The following TACC2 variants were observed in gnomAD, a reference collection of about 807,000 sequenced individuals.
TACC2 encodes the protein transforming acidic coiled-coil containing protein 2, also known as transforming acidic coiled-coil-containing protein 2.
TACC2 carries 137 observed loss-of-function variants against 227.3 expected under a neutral mutation model. The ratio of observed to expected loss-of-function variants is 0.60; its 90% CI spans 0.52 to 0.69. The LOEUF is 0.69. Ranked by LOEUF, TACC2 falls within the 30% of genes least tolerant of loss-of-function variation. The pLI is 0.00. For missense variants in TACC2, 3,470 were observed against 3,694.4 expected (o/e 0.94, Z 1.57); for synonymous variants, 1,523 against 1,487.5 (o/e 1.02, Z -0.55).
At chr10:122,247,209 A>C (rs2096143150) in intron 19 of TACC2, 1 of 152,344 alleles carries the variant, frequency 6.6e-6, no homozygotes. Flanking sequence ...GTCAACACCT[A>C]GAGCAATCAG....
intron 2 of TACC2, chr10:122,022,451 T>C (rs1289572228): frequency 5.2e-5 from 8 of 155,024 alleles, no homozygotes; most frequent in Non-Finnish European, 1.1e-4. Flanking sequence ...GGTCTGGCTA[T>C]GTTGCCCAGG....
At chr10:122,021,465 G>A (rs902279322) in intron 1 of TACC2, among the ~76,000 whole-genome samples, 1 of 152,138 alleles carries the variant, frequency 6.6e-6, no homozygotes, top group Non-Finnish European at 1.5e-5. Flanking sequence ...ATATGTTGTT[G>A]GAGAGCAGTG....
chr10:122,237,877 G>C, intron 17 of TACC2, 84 bp from the exon 18 acceptor site: 1 of 985,996 alleles, frequency 1.0e-6, no homozygotes, highest in Non-Finnish European at 1.6e-6. Context: ...TTTATTCACC[G>C]TCTCCTTTTC....
At chr10:122,088,267 T>C (rs183250286) in intron 4 of TACC2, among the ~76,000 whole-genome samples, 4 of 152,288 alleles carry the variant, frequency 2.6e-5, no homozygotes, top group African/African-American at 4.8e-5. Flanking sequence ...AAGTGATAGG[T>C]TATAGTCAGT....
chr10:122,004,254 C>T (rs922723925), intron 1 of TACC2, among the ~76,000 whole-genome samples: 3 of 151,954 alleles, frequency 2.0e-5, no homozygotes, highest in East Asian at 3.9e-4. Flanking sequence ...AAAAATTAGT[C>T]GGGTGTGGTG....
intron 1 of TACC2, among the ~76,000 whole-genome samples, chr10:122,014,506 C>T (rs148286759): frequency 3.3e-5 from 5 of 152,262 alleles, no homozygotes; most frequent in African/African-American, 4.8e-5. Context: ...CCACCATACC[C>T]GGCCAAGACC....
chr10:122,008,246 G>GTTATTGTTATTATTATTA (rs1554958020), intron 1 of TACC2, among the ~76,000 whole-genome samples: 33 of 111,846 alleles, frequency 3.0e-4, no homozygotes, highest in African/African-American at 9.3e-4. Flanking sequence ...CTATCCCTTT[G>GTTATTGTTATTATTATTA]TTATTATTAT....
At chr10:122,018,024 C>T (rs1401073565) in intron 1 of TACC2, among the ~76,000 whole-genome samples, 2 of 123,934 alleles carry the variant, frequency 1.6e-5, no homozygotes, top group African/African-American at 3.1e-5. Flanking sequence ...AAAAAAAAAA[C>T]AGGATACATG....
rs1239830123 is a variant in TACC2, at chr10:122,085,610, G to A, written c.3110G>A (p.Ser1037Asn). The A allele has an allele frequency of 2.5e-6, 4 of 1,613,388 alleles. No individual in the cohort carries two copies. The highest frequency in any genetic ancestry group is 1.3e-5 in the African/African-American group (1 of 75,058). The part of the protein sequence containing the change: ...LWGLSKREMA[S>N]GNTGEAPPCQ... ...GGCTTGAGTAAGAGGGAGATGGCAA[G>A]TGGAAACACAGGGGAGGCCCCACCT... Residue 1037 changes from serine to asparagine, a missense_variant, in exon 4 of 23, where the codon AGT becomes AAT. Ser to Asn is a conservative substitution (Grantham distance 46). Coordinates refer to ENST00000369005, the MANE Select transcript of TACC2 (RefSeq NM_206862.4).
At chr10:122,070,793 T>C (rs1037824500) in intron 3 of TACC2, among the ~76,000 whole-genome samples, 1 of 145,210 alleles carries the variant, frequency 6.9e-6, no homozygotes, top group Non-Finnish European at 1.5e-5. Flanking sequence ...GGTGTGGTAA[T>C]GCATGCCTGT....
At position 122,245,841 on chromosome 10, in the gene TACC2, A is replaced by AT. The variant is rs528530908; in HGVS notation, c.8393-2798dup. 1.9e-4 allele frequency among the ~76,000 whole-genome samples: 29 copies of AT among 152,108 alleles called. No individual in the cohort carries two copies. The East Asian group carries it at 2.3e-3, about 12-fold the overall frequency. On this transcript the variant is annotated intron_variant, in intron 19 of 22. Transcript: ENST00000369005. ...GGAGATACAAATACTCTTTCTTCCTATTTTAGACAAGGAGGCTGAGACTCA... is the reference window on the plus strand; with the variant it reads ...GGAGATACAAATACTCTTTCTTCCTATTTTTAGACAAGGAGGCTGAGACTCA...
In TACC2 at chr10:122,085,805, G is replaced by T; in HGVS notation, c.3305G>T (p.Cys1102Phe). The change falls in exon 4 of 23, where the codon TGC becomes TTC. Residue 1102 changes from cysteine to phenylalanine, a missense_variant. Coordinates refer to ENST00000369005, the MANE Select transcript of TACC2 (RefSeq NM_206862.4). The stretch of plus-strand genomic sequence containing the variant: ...CCGGCCCCGCAGCAGAAAATGGAGT[G>T]CTGGGCCACTTCGGATGCAGAGTCC... ...PVPAPQQKME[C>F]WATSDAESPK... 1.9e-6 allele frequency: 3 copies of T among 1,613,400 alleles called. No individual in the cohort carries two copies. Among genetic ancestry groups the T allele is most frequent in the Non-Finnish European group, 2.5e-6 (3 of 1,179,606 alleles).
intron 3 of TACC2, among the ~76,000 whole-genome samples, chr10:122,073,338 G>A (rs2078368284): frequency 6.6e-6 from 1 of 151,868 alleles, no homozygotes; most frequent in South Asian, 2.1e-4. Context: ...CCTTGGGAAG[G>A]TTTGAGAACT....
At chr10:122,207,746 A>G (rs781480059) in intron 8 of TACC2, among the ~76,000 whole-genome samples, 5 of 152,218 alleles carry the variant, frequency 3.3e-5, no homozygotes, top group Non-Finnish European at 7.3e-5. Context: ...GGAGGAAGCA[A>G]TGAGCAGATG....
intron 5 of TACC2, among the ~76,000 whole-genome samples, chr10:122,125,952 T>C (rs1565372460): frequency 6.6e-6 from 1 of 152,036 alleles, no homozygotes; most frequent in Non-Finnish European, 1.5e-5. Context: ...AATTTTTTTG[T>C]ATTTTTAGTA....
chr10:122,130,014 T>A (rs2138742043), intron 5 of TACC2, among the ~76,000 whole-genome samples: 1 of 152,302 alleles, frequency 6.6e-6, no homozygotes, highest in South Asian at 2.1e-4. Flanking sequence ...CTGCCTAGGA[T>A]CAATACGGAG....
Position 122,087,939 on chromosome 10 carries a change from A to G in TACC2, c.5439A>G (p.Pro1813=). 6.6e-7 allele frequency: 1 copy of G among 1,510,058 alleles called. No homozygotes were observed. Among genetic ancestry groups the G allele is most frequent in the Non-Finnish European group, 8.9e-7 (1 of 1,129,598 alleles). 93.5% of individuals were successfully genotyped at this position (1,510,058 alleles called of 1,614,324 possible). A position where few individuals can be genotyped will look rare whatever the true frequency, so the allele number is the denominator to read the frequency against. The change falls in exon 4 of 23, where the codon CCA becomes CCG. Residue 1813 remains proline (P), a synonymous_variant. Coordinates refer to ENST00000369005, the MANE Select transcript of TACC2 (RefSeq NM_206862.4). The part of the protein sequence containing the change: ...THDPKLQHLA[P]EELHTDRESP... ...ACCCGAAGCTGCAACATTTGGCTCC[A>G]GAAGAGCTCCACACTGACAGGTACT...
At chr10:122,238,094 T>C in intron 18 of TACC2, 57 bp downstream of exon 18, 4 of 1,408,494 alleles carry the variant, frequency 2.8e-6, no homozygotes, top group Non-Finnish European at 4.0e-6. Context: ...TGTGGTTTAA[T>C]AATGACCGGA....
At chr10:122,006,675 A>G (rs553181235) in intron 1 of TACC2, among the ~76,000 whole-genome samples, 71 of 152,168 alleles carry the variant, frequency 4.7e-4, no homozygotes, top group Non-Finnish European at 8.5e-4. Flanking sequence ...TCCTGTTTCT[A>G]GAAATTTTTC....
Sources: gnomAD v4.1 joint callset for allele counts (sites outside exome capture counted in the v4.1 genomes callset) on GRCh38, gnomAD v4.1.1 for gene constraint, MANE v1.5 for transcripts, NCBI Gene and HGNC (gene_info 2026-07-23, HGNC 2026-07-21) for gene names.